The following SIK3 variants were observed in gnomAD, a reference collection of about 807,000 sequenced individuals.
SIK3 encodes the protein serine/threonine-protein kinase SIK3.
In SIK3, 28 loss-of-function variants were observed where a neutral mutation model predicts 144.2. That is an observed-to-expected ratio of 0.19 (90% CI 0.14 to 0.27). SIK3 has a LOEUF of 0.27. Ranked by LOEUF, SIK3 falls within the 10% of genes least tolerant of loss-of-function variation. The probability of loss-of-function intolerance (pLI) is 1.00; values close to 1 mark genes in which losing one functional copy is unlikely to be tolerated. For synonymous variants in SIK3, 686 were observed against 676.3 expected, an observed-to-expected ratio of 1.01 and a Z score of -0.22; for missense variants, 1,319 against 1,776.0, an observed-to-expected ratio of 0.74 and a Z score of 4.62.
rs776712409 is a variant in SIK3 at position 116,846,792 on chromosome 11, C to T, written c.3953-239G>A. Among the ~76,000 whole-genome samples, 28 of 152,300 alleles carry T rather than the reference C, an allele frequency of 1.8e-4. No individual in the cohort carries two copies. Among genetic ancestry groups the T allele is most frequent in the South Asian group, 6.2e-4 (3 of 4,820 alleles). ...TTTTCCCTTTTCCTTTACCCTTTCC[C>T]ATCCTTAGGTAAGATCAACTACTGT... On this transcript the variant is annotated intron_variant, in intron 23 of 24. Coordinates refer to ENST00000445177, the MANE Select transcript of SIK3 (RefSeq NM_001366686.3). This position sits in a 1 kb window ranked among gnomAD's most constrained non-coding sequence, Gnocchi z 4.1.
chr11:116,862,298 C>G lies in SIK3; in HGVS notation c.2133G>C (p.Gly711=). Residue 711 remains glycine, a synonymous_variant, in exon 17 of 25, where the codon GGG becomes GGC. Transcript: ENST00000445177. ...CCAGGGTTCTTTCATCAATCTGCCC[C>G]CCGTACATCTTCTGCAGCTGCTCAC... is the stretch of plus-strand genomic sequence containing the variant. ...QECEQLQKMY[G]GQIDERTLEK... is the part of the protein sequence containing the mutation. 6.2e-7 allele frequency: 1 copy of G among 1,614,128 alleles called. No individual in the cohort carries two copies. The highest frequency in any genetic ancestry group is 8.5e-7 in the Non-Finnish European group (1 of 1,180,032).
chr11:116,992,319 C>T (rs537084233), intron 1 of SIK3, among the ~76,000 whole-genome samples: 2 of 143,670 alleles, frequency 1.4e-5, no homozygotes, highest in Admixed American at 1.4e-4. Flanking sequence ...AGCAAGACCC[C>T]CCCCCCCAAA....
At chr11:116,911,492 G>C (rs2134958094) in intron 4 of SIK3, among the ~76,000 whole-genome samples, 1 of 151,780 alleles carries the variant, frequency 6.6e-6, no homozygotes, top group East Asian at 1.9e-4. Flanking sequence ...GGGCAAGACA[G>C]AGCCAGACTC....
At chr11:116,907,246 T>C (rs1425466803) in intron 4 of SIK3, among the ~76,000 whole-genome samples, 2 of 152,244 alleles carry the variant, frequency 1.3e-5, no homozygotes, top group African/African-American at 2.4e-5. Flanking sequence ...ATGCAGCCTA[T>C]AACGCCAGTT....
intron 4 of SIK3, among the ~76,000 whole-genome samples, chr11:116,902,237 T>C (rs1945772903): frequency 6.6e-6 from 1 of 152,208 alleles, no homozygotes; most frequent in Admixed American, 6.5e-5. Context: ...TTTAAACCAG[T>C]TGAGTTTAAA....
chr11:117,080,804 T>C (rs1328822686), intron 1 of SIK3, among the ~76,000 whole-genome samples: 1 of 151,668 alleles, frequency 6.6e-6, no homozygotes, highest in Non-Finnish European at 1.5e-5. Flanking sequence ...AAAAATTAGC[T>C]GGGTGTGGTG....
intron 3 of SIK3, among the ~76,000 whole-genome samples, chr11:116,944,270 C>T (rs1016927210): frequency 2.6e-5 from 4 of 152,186 alleles, no homozygotes; most frequent in African/African-American, 9.6e-5. Context: ...TATGTCTGCT[C>T]GGAGTGTCTC....
intron 1 of SIK3, among the ~76,000 whole-genome samples, chr11:117,087,471 C>G (rs1955067653): frequency 1.3e-5 from 2 of 151,926 alleles, no homozygotes; most frequent in Admixed American, 1.3e-4. Flanking sequence ...CACTTGAATT[C>G]TTGTCATTCC....
rs183154076 is a variant in SIK3 at position 116,934,456 on chromosome 11, C to T, written c.455-7076G>A. 2.9e-3 allele frequency among the ~76,000 whole-genome samples: 439 copies of T among 152,302 alleles called. 1 individual carries two copies. Among genetic ancestry groups the T allele is most frequent in the African/African-American group, 0.01 (416 of 41,564 alleles). On this transcript the variant is annotated intron_variant, in intron 3 of 24. Transcript: ENST00000445177. ...CATATATGACCTGTCTTCATATATC[C>T]AAGTCTGTACTTGGCATACAAGCAA...
chr11:116,876,884 C>T (rs757585418), intron 7 of SIK3, 40 bp downstream of exon 7: 1 of 1,532,890 alleles, frequency 6.5e-7, no homozygotes, highest in Admixed American at 1.7e-5. Flanking sequence ...GCTGCAGCAG[C>T]TTTCAGAGGA....
chr11:116,916,808 A>T (rs1428794289), intron 4 of SIK3, among the ~76,000 whole-genome samples: 3 of 151,818 alleles, frequency 2.0e-5, no homozygotes, highest in Non-Finnish European at 4.4e-5. Context: ...AAAAAAAAAA[A>T]AAATTTTTTT....
intron 3 of SIK3, among the ~76,000 whole-genome samples, chr11:116,937,544 T>G (rs1261007782): frequency 1.3e-5 from 2 of 152,202 alleles, no homozygotes; most frequent in African/African-American, 4.8e-5. Context: ...CAATTCTTCA[T>G]GGGATATATC....
chr11:117,015,176 T>A (rs113511614), intron 1 of SIK3, among the ~76,000 whole-genome samples: 1 of 152,112 alleles, frequency 6.6e-6, no homozygotes, highest in African/African-American at 2.4e-5. Context: ...ATATCACAGC[T>A]AATAAACTCA....
chr11:117,032,976 A>C (rs1395594392), intron 1 of SIK3, among the ~76,000 whole-genome samples: 1 of 152,238 alleles, frequency 6.6e-6, no homozygotes, highest in East Asian at 1.9e-4. Context: ...TTTAATGATT[A>C]AATATTTTGT....
At chr11:117,060,783 A>C (rs1034523656) in intron 1 of SIK3, among the ~76,000 whole-genome samples, 1 of 152,198 alleles carries the variant, frequency 6.6e-6, no homozygotes, top group African/African-American at 2.4e-5. Flanking sequence ...TCTAATGTAA[A>C]CTATGAATTT....
chr11:117,000,368 T>TA (rs1206712132), intron 1 of SIK3, among the ~76,000 whole-genome samples: 1 of 152,206 alleles, frequency 6.6e-6, no homozygotes, highest in African/African-American at 2.4e-5. Context: ...TACACATTGT[T>TA]AGAGTTTGTA....
chr11:117,088,558 G>A (rs1591684882), intron 1 of SIK3, among the ~76,000 whole-genome samples: 3 of 152,174 alleles, frequency 2.0e-5, no homozygotes, highest in South Asian at 2.1e-4. Context: ...GACATTGCAC[G>A]AAACATAAGG....
intron 1 of SIK3, among the ~76,000 whole-genome samples, chr11:117,004,060 T>C (rs1226562000): frequency 1.3e-5 from 2 of 152,174 alleles, no homozygotes; most frequent in African/African-American, 2.4e-5. Flanking sequence ...GATTCACATA[T>C]ATTAAAAATC....
At chr11:116,959,493 A>G (rs1295555085) in intron 1 of SIK3, among the ~76,000 whole-genome samples, 1 of 152,136 alleles carries the variant, frequency 6.6e-6, no homozygotes, top group Non-Finnish European at 1.5e-5. Flanking sequence ...CTGTGCCTGA[A>G]ATCTTCCACC....
Sources: allele counts gnomAD v4.1 joint callset (sites outside exome capture counted in the v4.1 genomes callset), GRCh38; gene constraint gnomAD v4.1.1; non-coding constraint Gnocchi (gnomAD v3.1); transcripts MANE v1.5; gene names NCBI Gene and HGNC (gene_info 2026-07-23, HGNC 2026-07-21).